The following ANKAR variants were observed in gnomAD, a reference collection of about 807,000 sequenced individuals.
ANKAR encodes the protein ankyrin and armadillo repeat-containing protein.
In ANKAR, 136 loss-of-function variants were observed where a neutral mutation model predicts 146.2. The observed-to-expected ratio is 0.93, with a 90% CI of 0.81 to 1.07. The LOEUF is 1.07. Among genes scored for constraint, ANKAR ranks in the 50% least tolerant of loss-of-function variants. The pLI, the probability that ANKAR is intolerant of heterozygous loss-of-function variation, is 0.00. For synonymous variants in ANKAR, 500 were observed against 575.8 expected, an observed-to-expected ratio of 0.87 and a Z score of 1.88; for missense variants, 1,567 against 1,679.9, an observed-to-expected ratio of 0.93 and a Z score of 1.18.
intron 7 of ANKAR, among the ~76,000 whole-genome samples, chr2:189,702,916 A>T (rs2038290881): frequency 6.6e-6 from 1 of 152,228 alleles, no homozygotes. Context: ...GAGAGCAGGA[A>T]TAGTCCAGGG....
At chr2:189,741,906 T>C (rs969952602) in intron 20 of ANKAR, among the ~76,000 whole-genome samples, 4 of 152,174 alleles carry the variant, frequency 2.6e-5, no homozygotes, top group African/African-American at 9.7e-5. Flanking sequence ...CAAAGAAACT[T>C]ATAATTGTTT....
At chr2:189,721,033 G>T (rs1407677145) in intron 12 of ANKAR, among the ~76,000 whole-genome samples, 2 of 152,068 alleles carry the variant, frequency 1.3e-5, no homozygotes, top group African/African-American at 4.8e-5. Context: ...TGTCGCCCAG[G>T]CTGGAGTGCA....
intron 18 of ANKAR, among the ~76,000 whole-genome samples, chr2:189,758,434 C>T (rs781056630): frequency 2.0e-5 from 3 of 152,098 alleles, no homozygotes; most frequent in East Asian, 1.9e-4. Context: ...CGGTCCTGCT[C>T]CTGCCATGTA....
chr2:189,755,703 T>A, intron 18 of ANKAR: 2 of 846,854 alleles, frequency 2.4e-6, no homozygotes, highest in Non-Finnish European at 3.5e-6. Flanking sequence ...CCTTCTAACA[T>A]AGCACACTAT....
At chr2:189,736,923 A>C (rs1261491022) in intron 17 of ANKAR, among the ~76,000 whole-genome samples, 1 of 151,652 alleles carries the variant, frequency 6.6e-6, no homozygotes, top group Non-Finnish European at 1.5e-5. Context: ...AAATACAGAA[A>C]ATTAGCCAGG....
intron 17 of ANKAR, 81 bp downstream of exon 17, chr2:189,733,310 C>A (rs1574700428): frequency 8.3e-7 from 1 of 1,200,346 alleles, no homozygotes; most frequent in Non-Finnish European, 1.1e-6. Context: ...AAGTCTTCTT[C>A]ATGGCAATAT....
At chr2:189,704,370 C>T (rs954833839) in intron 7 of ANKAR, among the ~76,000 whole-genome samples, 5 of 150,822 alleles carry the variant, frequency 3.3e-5, no homozygotes, top group African/African-American at 4.9e-5. Context: ...GTCTCAAACT[C>T]GTGACCTCAG....
chr2:189,730,595 C>T lies in ANKAR; in HGVS notation c.3294C>T (p.Asn1098=), dbSNP rs1046570148. 6.4e-6 allele frequency: 10 copies of T among 1,558,178 alleles called. 2 individuals carry two copies. In the Middle Eastern group the frequency reaches 5.1e-4, roughly 79 times the overall value. The part of the protein sequence containing the change: ...IQLLRNHPSP[N]IKVEVAFSLA... ...TACTAAGAAATCACCCTTCTCCTAA[C>T]ATTAAGGTATAAAGGTTTACATTGT... is the stretch of plus-strand genomic sequence containing the variant. The change falls in exon 16 of 23, where the codon AAC becomes AAT. Residue 1098 remains asparagine, a synonymous_variant. Coordinates refer to ENST00000684021, the MANE Select transcript of ANKAR (RefSeq NM_001378068.1).
intron 7 of ANKAR, among the ~76,000 whole-genome samples, chr2:189,699,520 T>G (rs1246395241): frequency 2.6e-5 from 4 of 152,226 alleles, no homozygotes; most frequent in South Asian, 4.1e-4. Context: ...TTCCTAAGTC[T>G]TCCCACCTAT....
chr2:189,676,537 A>G lies in ANKAR; in HGVS notation c.47A>G (p.Gln16Arg), dbSNP rs1259631855. ...KKGLPRFEQVQDEDTYLENLA... is the reference protein window; with the variant it reads ...KKGLPRFEQVRDEDTYLENLA... ...GGATTACCTAGATTTGAGCAAGTTC[A>G]GGATGAAGACACCTACCTGGAAAAT... Residue 16 changes from glutamine to arginine, a missense_variant, in exon 2 of 23, where the codon CAG becomes CGG. Gln to Arg is a conservative substitution (Grantham distance 43). Transcript: ENST00000684021. The G allele has an allele frequency of 3.1e-6, 5 of 1,591,018 alleles. No homozygotes were observed. Among genetic ancestry groups the G allele is most frequent in the Non-Finnish European group, 3.4e-6 (4 of 1,172,186 alleles).
intron 7 of ANKAR, 98 bp from the exon 8 acceptor site, chr2:189,704,925 C>G: frequency 1.8e-6 from 2 of 1,123,318 alleles, no homozygotes; most frequent in Non-Finnish European, 2.6e-6. Context: ...TTATATCATA[C>G]AATACTAAGC....
intron 17 of ANKAR, among the ~76,000 whole-genome samples, chr2:189,734,985 T>C (rs1225093): frequency 0.98 from 147,542 of 150,352 alleles, 72,449 homozygotes; most frequent in Non-Finnish European, 1. Flanking sequence ...TATATATATA[T>C]ATATATTTAC....
intron 2 of ANKAR, among the ~76,000 whole-genome samples, chr2:189,684,203 T>C (rs1163026755): frequency 6.6e-6 from 1 of 151,902 alleles, no homozygotes; most frequent in Non-Finnish European, 1.5e-5. Flanking sequence ...GTAATGTGAG[T>C]TGGGTTGTTT....
At chr2:189,761,412 C>G, downstream of ANKAR, 1 of 1,591,998 alleles carries the variant, frequency 6.3e-7, no homozygotes, top group African/African-American at 1.4e-5. Flanking sequence ...AAGATAATGT[C>G]TACTTACTTT....
intron 18 of ANKAR, among the ~76,000 whole-genome samples, chr2:189,760,722 C>T (rs376676018): frequency 9.9e-5 from 15 of 151,544 alleles, no homozygotes; most frequent in African/African-American, 3.1e-4. Flanking sequence ...ACTCGAGAGG[C>T]GGAGATTGCA....
At chr2:189,760,010 AC>A (rs1226370804) in intron 18 of ANKAR, among the ~76,000 whole-genome samples, 2 of 152,164 alleles carry the variant, frequency 1.3e-5, no homozygotes, top group East Asian at 3.9e-4. Flanking sequence ...CACATCTTGC[AC>A]CGCCCTTAAT....
chr2:189,743,142 T>C, intron 20 of ANKAR, 133 bp from the exon 21 acceptor site: 1 of 774,984 alleles, frequency 1.3e-6, no homozygotes, highest in Non-Finnish European at 2.0e-6. Context: ...TACACTGCCA[T>C]TTGTTTGCAT....
rs1360921448 is a variant in ANKAR at position 189,692,851 on chromosome 2, ATTG to A, written c.1204-220_1204-218del. The A allele has an allele frequency of 5.3e-5, 16 of 301,376 alleles. No individual in the cohort carries two copies. In the East Asian group the frequency reaches 1.1e-3, roughly 20 times the overall value. 18.7% of individuals were successfully genotyped at this position (301,376 alleles called of 1,614,324 possible). A position where few individuals can be genotyped will look rare whatever the true frequency, so the allele number is the denominator to read the frequency against. On this transcript the variant is annotated intron_variant, in intron 4 of 22. Coordinates refer to ENST00000684021, the MANE Select transcript of ANKAR (RefSeq NM_001378068.1). The stretch of plus-strand genomic sequence containing the variant: ...TTTAGTATAAAAATTCTACATTTCA[ATTG>A]TTATTGCTTTTCTACCTTCTGTATA...
downstream of ANKAR, among the ~76,000 whole-genome samples, chr2:189,762,083 A>T (rs1197158037): frequency 6.6e-6 from 1 of 152,240 alleles, no homozygotes; most frequent in Non-Finnish European, 1.5e-5. Context: ...TCCTAAAAAC[A>T]TCTTTCAAAA....
Sources: allele counts gnomAD v4.1 joint callset (sites outside exome capture counted in the v4.1 genomes callset), GRCh38; gene constraint gnomAD v4.1.1; transcripts MANE v1.5; gene names NCBI Gene and HGNC (gene_info 2026-07-23, HGNC 2026-07-21).